TMEM245: variants seen among roughly 807,000 people sequenced by gnomAD.
TMEM245 encodes protein CG-2.
In TMEM245, 69 loss-of-function variants were observed where a neutral mutation model predicts 101.2. The ratio of observed to expected loss-of-function variants is 0.68; its 90% CI spans 0.56 to 0.83. The LOEUF is 0.83. TMEM245 is among the 40% of genes least tolerant of loss of function. TMEM245 has a pLI of 0.00. For missense variants in TMEM245, 1,075 were observed against 1,092.8 expected, an observed-to-expected ratio of 0.98 and a Z score of 0.23; for synonymous variants, 537 against 449.8, an observed-to-expected ratio of 1.19 and a Z score of -2.45.
intron 7 of TMEM245, among the ~76,000 whole-genome samples, chr9:109,083,709 T>C (rs1328875889): frequency 1.3e-5 from 2 of 151,744 alleles, no homozygotes; most frequent in African/African-American, 2.4e-5. Context: ...TTCATTTTGC[T>C]TTGTTTTTAA....
chr9:109,064,819 T>G (rs1829117219), intron 9 of TMEM245, among the ~76,000 whole-genome samples: 1 of 152,238 alleles, frequency 6.6e-6, no homozygotes, highest in Admixed American at 6.5e-5. Context: ...TTCACTCTTC[T>G]TGCCCAGGCT....
chr9:109,092,045 C>A (rs1830022539), intron 4 of TMEM245, among the ~76,000 whole-genome samples: 1 of 152,098 alleles, frequency 6.6e-6, no homozygotes, highest in Non-Finnish European at 1.5e-5. Flanking sequence ...GAAATAAGAA[C>A]TCCCATAATC....
rs535348540 is a variant in TMEM245 at position 109,052,439 on chromosome 9, T to C, written c.1855-1747A>G. Among the ~76,000 whole-genome samples the C allele has an allele frequency of 9.2e-4, 140 of 152,358 alleles. 3 individuals are homozygous for C. In the South Asian group the frequency reaches 0.026, roughly 28 times the overall value. On this transcript the variant is annotated intron_variant, in intron 12 of 17. Transcript: ENST00000374586. ...ACATCTGATTTTTGTTTTGGTGCCC[T>C]TCCCAAAACAGCAGTTCTGGTTTTT...
chr9:109,059,059 A>G (rs1305442839), intron 11 of TMEM245, among the ~76,000 whole-genome samples: 2 of 152,206 alleles, frequency 1.3e-5, no homozygotes, highest in African/African-American at 4.8e-5. Flanking sequence ...TTCCTCTACT[A>G]TAAAATAAAG....
intron 17 of TMEM245, among the ~76,000 whole-genome samples, chr9:109,025,412 A>C (rs1469791245): frequency 6.6e-6 from 1 of 152,214 alleles, no homozygotes; most frequent in African/African-American, 2.4e-5. Flanking sequence ...TAATTATGAA[A>C]GATATAAACC....
At chr9:109,094,901 C>T (rs538098547) in intron 3 of TMEM245, among the ~76,000 whole-genome samples, 16 of 152,184 alleles carry the variant, frequency 1.1e-4, no homozygotes, top group South Asian at 4.1e-4. Flanking sequence ...TTCAGAAAGC[C>T]GATGAATTTC....
At chr9:109,090,162 G>A (rs1239269417) in intron 5 of TMEM245, among the ~76,000 whole-genome samples, 1 of 152,162 alleles carries the variant, frequency 6.6e-6, no homozygotes, top group Non-Finnish European at 1.5e-5. Context: ...TCAGGAGGCT[G>A]AGGTGGGAGA....
At chr9:109,109,211 G>C (rs997047515) in intron 1 of TMEM245, among the ~76,000 whole-genome samples, 20 of 152,048 alleles carry the variant, frequency 1.3e-4, no homozygotes, top group Admixed American at 3.3e-4. Flanking sequence ...CAGAACAGAA[G>C]AATCAGCCAG....
At chr9:109,088,322 G>A (rs1829899784) in intron 5 of TMEM245, among the ~76,000 whole-genome samples, 2 of 152,128 alleles carry the variant, frequency 1.3e-5, no homozygotes, top group African/African-American at 4.8e-5. Context: ...GTTTCAGTAA[G>A]TCCAGGGTAA....
chr9:109,102,671 A>G (rs1266556319), intron 3 of TMEM245, among the ~76,000 whole-genome samples: 2 of 152,262 alleles, frequency 1.3e-5, no homozygotes, highest in African/African-American at 4.8e-5. Flanking sequence ...ATTTTGGTAT[A>G]ATCTGTAGAC....
intron 3 of TMEM245, among the ~76,000 whole-genome samples, chr9:109,104,706 A>G (rs1830365170): frequency 6.6e-6 from 1 of 152,222 alleles, no homozygotes; most frequent in Non-Finnish European, 1.5e-5. Context: ...TCAGTGAAAC[A>G]CAACAGAAAG....
chr9:109,027,718 T>C (rs1403240716), intron 17 of TMEM245, among the ~76,000 whole-genome samples: 1 of 152,078 alleles, frequency 6.6e-6, no homozygotes, highest in Non-Finnish European at 1.5e-5. Context: ...TTGCCCAGGC[T>C]GCAGTGCAGT....
In TMEM245 at chr9:109,050,317, T is replaced by C. The variant is rs1828635384; in HGVS notation, c.2089A>G (p.Asn697Asp). Reference protein sequence around the residue: ...TPLSQPGPSSNIIGQSVEEAI... With the variant: ...TPLSQPGPSSDIIGQSVEEAI... ...TCTTCCACAGACTGGCCAATAATAT[T>C]AGAAGAAGGACCTGGCTGAGATAGT... Residue 697 changes from asparagine to aspartate, a missense_variant, in exon 14 of 18, where the codon AAT becomes GAT. Coordinates refer to ENST00000374586, the MANE Select transcript of TMEM245 (RefSeq NM_032012.4). 2 of 1,613,962 alleles carry C rather than the reference T, an allele frequency of 1.2e-6. No homozygotes were observed. Among genetic ancestry groups the C allele is most frequent in the East Asian group, 2.2e-5 (1 of 44,868 alleles).
chr9:109,023,960 G>C (rs931401564), intron 17 of TMEM245, among the ~76,000 whole-genome samples: 2 of 151,994 alleles, frequency 1.3e-5, no homozygotes, highest in Admixed American at 1.3e-4. Context: ...GTGCAGTGTA[G>C]TCTCTCACTG....
intron 14 of TMEM245, among the ~76,000 whole-genome samples, chr9:109,047,121 C>T (rs1318502727): frequency 6.6e-6 from 1 of 152,170 alleles, no homozygotes; most frequent in Admixed American, 6.6e-5. Context: ...TTATCAGACT[C>T]ATAAAAATCT....
intron 17 of TMEM245, among the ~76,000 whole-genome samples, chr9:109,022,467 T>TTATCTATCTATCTATC (rs35280235): frequency 0.041 from 6,116 of 149,526 alleles, 152 homozygotes; most frequent in Middle Eastern, 0.079. Flanking sequence ...TTTATATGCA[T>TTATCTATCTATCTATC]TATCTATCTA....
rs756945634 is a variant in TMEM245 at position 109,104,070 on chromosome 9, AC to A, written c.799+2437del. ...ACTGCACTCCAGCCCGGCCAACAGAACGAGACTCCATCTCAAAAACAGAAAA... is the reference window on the plus strand; with the variant it reads ...ACTGCACTCCAGCCCGGCCAACAGAAGAGACTCCATCTCAAAAACAGAAAA... On this transcript the variant is annotated intron_variant, in intron 3 of 17. Coordinates refer to ENST00000374586, the MANE Select transcript of TMEM245 (RefSeq NM_032012.4). Among the ~76,000 whole-genome samples, 177 of 152,174 alleles carry A rather than the reference AC, an allele frequency of 1.2e-3. 4 individuals carry two copies. The highest frequency in any genetic ancestry group is 8.1e-4 in the Non-Finnish European group (55 of 67,990).
chr9:109,078,224 T>C (rs771756971), intron 8 of TMEM245, among the ~76,000 whole-genome samples: 10 of 152,234 alleles, frequency 6.6e-5, no homozygotes, highest in Admixed American at 2.0e-4. Context: ...GTTTTACATA[T>C]ACATAGCTCA....
intron 1 of TMEM245, among the ~76,000 whole-genome samples, chr9:109,110,409 A>G (rs939497444): frequency 1.3e-5 from 2 of 152,154 alleles, no homozygotes; most frequent in Admixed American, 6.5e-5. Flanking sequence ...TAAATGACAG[A>G]GGCAGGATTA....
Sources: gnomAD v4.1 joint callset for allele counts (sites outside exome capture counted in the v4.1 genomes callset) on GRCh38, gnomAD v4.1.1 for gene constraint, MANE v1.5 for transcripts, NCBI Gene and HGNC (gene_info 2026-07-23, HGNC 2026-07-21) for gene names.